CDC73: variants seen among roughly 807,000 people sequenced by gnomAD.
CDC73 encodes the protein parafibromin.
CDC73 carries 21 observed loss-of-function variants against 83.7 expected under a neutral mutation model. That is an observed-to-expected ratio of 0.25 (90% confidence interval 0.18 to 0.36). CDC73 has a LOEUF of 0.36. Ranked by LOEUF, CDC73 falls within the 10% of genes least tolerant of loss-of-function variation. CDC73 has a pLI of 1.00. For missense variants in CDC73, 342 were observed against 653.3 expected, an observed-to-expected ratio of 0.52 and a Z score of 5.19; for synonymous variants, 224 against 212.9, an observed-to-expected ratio of 1.05 and a Z score of -0.45.
intron 10 of CDC73, among the ~76,000 whole-genome samples, chr1:193,164,458 G>A (rs549875561): frequency 4.6e-4 from 70 of 152,224 alleles, no homozygotes; most frequent in African/African-American, 1.6e-3. Flanking sequence ...GAAATCAAAT[G>A]CTGATTTATT....
intron 10 of CDC73, among the ~76,000 whole-genome samples, chr1:193,190,273 A>C (rs74130931): frequency 0.021 from 3,230 of 152,290 alleles, 112 homozygotes; most frequent in African/African-American, 0.074. Context: ...ACAATTTTGC[A>C]TGATGTTTGC....
intron 10 of CDC73, among the ~76,000 whole-genome samples, chr1:193,173,920 T>A (rs1165701579): frequency 6.6e-6 from 1 of 152,168 alleles, no homozygotes; most frequent in African/African-American, 2.4e-5. Flanking sequence ...ATATCTTTAT[T>A]CTAATATGTT....
chr1:193,123,912 C>CA (rs1558277107), intron 1 of CDC73, among the ~76,000 whole-genome samples: 1 of 152,134 alleles, frequency 6.6e-6, no homozygotes, highest in Non-Finnish European at 1.5e-5. Context: ...GAGAAGGTTC[C>CA]ATAGAATTGT....
At chr1:193,231,764 A>G (rs1677666933) in intron 13 of CDC73, among the ~76,000 whole-genome samples, 1 of 152,196 alleles carries the variant, frequency 6.6e-6, no homozygotes, top group African/African-American at 2.4e-5. Flanking sequence ...AATTAGTATT[A>G]TGTGATGAAT....
At chr1:193,202,879 T>A (rs1677116052) in intron 10 of CDC73, among the ~76,000 whole-genome samples, 1 of 152,038 alleles carries the variant, frequency 6.6e-6, no homozygotes, top group Non-Finnish European at 1.5e-5. Flanking sequence ...TAATTATAAT[T>A]AGTATTTAGC....
chr1:193,149,155 G>T (rs1452831003), intron 8 of CDC73, among the ~76,000 whole-genome samples: 3 of 152,156 alleles, frequency 2.0e-5, no homozygotes, highest in Non-Finnish European at 2.9e-5. Flanking sequence ...AGATACAATA[G>T]TGAGAAAGAT....
chr1:193,126,686 T>C (rs1312028662), intron 2 of CDC73, among the ~76,000 whole-genome samples: 1 of 152,224 alleles, frequency 6.6e-6, no homozygotes, highest in Non-Finnish European at 1.5e-5. Context: ...CTTACAAGTA[T>C]ACACTTAAAA....
chr1:193,234,384 C>G (rs1295874116), intron 14 of CDC73, among the ~76,000 whole-genome samples: 3 of 101,210 alleles, frequency 3.0e-5, no homozygotes, highest in African/African-American at 1.1e-4. Flanking sequence ...TCTCTGGTAC[C>G]TAATAGATAC....
At chr1:193,152,585 G>T in intron 10 of CDC73, 141 bp downstream of exon 10, 1 of 638,836 alleles carries the variant, frequency 1.6e-6, no homozygotes, top group Non-Finnish European at 2.8e-6. Context: ...TGATCTGTGT[G>T]GTGTATTATT....
At chr1:193,142,443 A>G (rs1340197455) in intron 7 of CDC73, among the ~76,000 whole-genome samples, 1 of 152,122 alleles carries the variant, frequency 6.6e-6, no homozygotes, top group Non-Finnish European at 1.5e-5. Context: ...CTCACATGGT[A>G]GAGAACTTAT....
rs67477778 is a variant in CDC73, at chr1:193,144,112, CAA to C, written c.729+2065_729+2066del. ...GTGACAGAGTGAGACTCTGTCTCACCAAAAAAAAAAAAAAAAAAAATTTCATG... is the reference window on the plus strand; with the variant it reads ...GTGACAGAGTGAGACTCTGTCTCACCAAAAAAAAAAAAAAAAAATTTCATG... On this transcript the variant is annotated intron_variant, in intron 7 of 16. Transcript: ENST00000367435. 2.1e-3 allele frequency among the ~76,000 whole-genome samples: 134 copies of C among 64,376 alleles called. 1 individual carries two copies. The highest frequency in any genetic ancestry group is 3.0e-3 in the Admixed American group (13 of 4,326). The allele number at this position is 64,376 out of a possible 152,430, so 42.2% of individuals were successfully genotyped here.
At chr1:193,212,970 C>T (rs1229724906) in intron 13 of CDC73, among the ~76,000 whole-genome samples, 4 of 152,156 alleles carry the variant, frequency 2.6e-5, no homozygotes. Context: ...TATTTTCCTT[C>T]CTCATTTCCT....
rs999015399 is a variant in CDC73 at position 193,253,513 on chromosome 1, A to G, written c.*2801A>G. 1.3e-4 allele frequency: 30 copies of G among 232,106 alleles called. No individual in the cohort carries two copies. Among genetic ancestry groups the G allele is most frequent in the Admixed American group, 5.6e-5 (1 of 17,712 alleles). 14.4% of individuals were successfully genotyped at this position (232,106 alleles called of 1,614,324 possible). The stretch of plus-strand genomic sequence containing the variant: ...TGACAAATGCAATTTTTAATTATTT[A>G]TTTAATATAGGAGTATTTTACTGTT... On this transcript the variant is annotated 3_prime_UTR_variant, in exon 17 of 17. Coordinates refer to ENST00000367435, the MANE Select transcript of CDC73 (RefSeq NM_024529.5).
chr1:193,171,177 T>C (rs578194907), intron 10 of CDC73, among the ~76,000 whole-genome samples: 9 of 152,344 alleles, frequency 5.9e-5, no homozygotes, highest in Admixed American at 5.2e-4. Flanking sequence ...GGTATCAATC[T>C]GTCTAGGTCC....
At chr1:193,202,891 G>A (rs1425852712) in intron 10 of CDC73, among the ~76,000 whole-genome samples, 1 of 151,772 alleles carries the variant, frequency 6.6e-6, no homozygotes, top group Non-Finnish European at 1.5e-5. Flanking sequence ...GTATTTAGCA[G>A]TATTTCTTTG....
chr1:193,250,559 A>G, intron 16 of CDC73, 117 bp from the exon 17 acceptor site: 1 of 724,680 alleles, frequency 1.4e-6, no homozygotes, highest in South Asian at 1.7e-5. Flanking sequence ...TCTAGAAAAC[A>G]GCATTTTATT....
At chr1:193,219,522 G>T (rs1366218331) in intron 13 of CDC73, among the ~76,000 whole-genome samples, 1 of 152,138 alleles carries the variant, frequency 6.6e-6, no homozygotes, top group African/African-American at 2.4e-5. Flanking sequence ...ATTGGATAAA[G>T]AAATCTGGTA....
intron 10 of CDC73, among the ~76,000 whole-genome samples, chr1:193,201,442 A>G (rs1170045783): frequency 6.6e-6 from 1 of 152,212 alleles, no homozygotes; most frequent in Non-Finnish European, 1.5e-5. Context: ...GTCAAGGGTC[A>G]TCATCATCAG....
chr1:193,218,545 A>G (rs1015404307), intron 13 of CDC73, among the ~76,000 whole-genome samples: 8 of 152,340 alleles, frequency 5.3e-5, no homozygotes, highest in Admixed American at 4.6e-4. Context: ...CCAAAACTGT[A>G]GTACTGGTAC....
Sources: allele counts gnomAD v4.1 joint callset (sites outside exome capture counted in the v4.1 genomes callset), GRCh38; gene constraint gnomAD v4.1.1; transcripts MANE v1.5; gene names NCBI Gene and HGNC (gene_info 2026-07-23, HGNC 2026-07-21).